The following ASH1L variants were observed in gnomAD, a reference collection of about 807,000 sequenced individuals.
ASH1L encodes histone-lysine N-methyltransferase ASH1L.
ASH1L carries 23 observed loss-of-function variants against 269.0 expected under a neutral mutation model. That is an observed-to-expected ratio of 0.09 (90% CI 0.06 to 0.12). The LOEUF (loss-of-function observed/expected upper bound fraction) is 0.12, where lower values mean the gene tolerates loss of function less well. ASH1L is among the 10% of genes least tolerant of loss of function. ASH1L has a pLI of 1.00. For missense variants in ASH1L, 2,912 were observed against 3,567.8 expected, an observed-to-expected ratio of 0.82 and a Z score of 4.68; for synonymous variants, 1,187 against 1,253.5, an observed-to-expected ratio of 0.95 and a Z score of 1.12.
chr1:155,408,895 C>T (rs953349421), intron 6 of ASH1L, among the ~76,000 whole-genome samples: 1 of 150,882 alleles, frequency 6.6e-6, no homozygotes, highest in Non-Finnish European at 1.5e-5. Context: ...ATTCATGAGT[C>T]TATAAGGTAT....
At chr1:155,397,383 G>A (rs901946567) in intron 6 of ASH1L, among the ~76,000 whole-genome samples, 1 of 151,652 alleles carries the variant, frequency 6.6e-6, no homozygotes, top group Middle Eastern at 3.2e-3. Context: ...GGTAATCCCA[G>A]CTACTCAAGA....
chr1:155,554,049 C>T (rs1197434586), intron 1 of ASH1L, among the ~76,000 whole-genome samples: 4 of 150,396 alleles, frequency 2.7e-5, no homozygotes, highest in Non-Finnish European at 5.9e-5. Context: ...CCCACCTCAG[C>T]CACTCAAAGT....
chr1:155,411,829 G>A (rs2148528867), intron 6 of ASH1L, among the ~76,000 whole-genome samples: 1 of 151,254 alleles, frequency 6.6e-6, no homozygotes, highest in African/African-American at 2.4e-5. Flanking sequence ...CCTAGAGAAA[G>A]GAATGTGACA....
chr1:155,358,318 A>G (rs1654595559), intron 13 of ASH1L, among the ~76,000 whole-genome samples: 1 of 152,148 alleles, frequency 6.6e-6, no homozygotes, highest in Admixed American at 6.6e-5. Flanking sequence ...CTTCAAAGTA[A>G]TTGGGCACTA....
At position 155,395,556 on chromosome 1, in the gene ASH1L, G is replaced by A; in HGVS notation, c.6009-3C>T. The A allele has an allele frequency of 6.2e-7, 1 of 1,601,252 alleles. No homozygotes were observed. Among genetic ancestry groups the A allele is most frequent in the Non-Finnish European group, 8.5e-7 (1 of 1,175,594 alleles). ...ATTGGATCAATCGACTCTTTGGGCT[G>A]TGATAAAAAAAGAATGGGAAACAGT... On this transcript the variant is annotated splice_polypyrimidine_tract_variant and splice_region_variant and intron_variant, in intron 6 of 27. Coordinates refer to ENST00000392403, the MANE Select transcript of ASH1L (RefSeq NM_018489.3).
At chr1:155,475,987 C>G (rs1665508273) in intron 3 of ASH1L, among the ~76,000 whole-genome samples, 1 of 152,122 alleles carries the variant, frequency 6.6e-6, no homozygotes, top group Non-Finnish European at 1.5e-5. Context: ...TAACAAGGGC[C>G]CACAAAGTAG....
In ASH1L at chr1:155,534,401, T is replaced by C. The variant is rs1669905692; in HGVS notation, c.-99-12783A>G. On this transcript the variant is annotated intron_variant, in intron 1 of 27. Coordinates refer to ENST00000392403, the MANE Select transcript of ASH1L (RefSeq NM_018489.3). ...GAAAAACGGGTGGATTTAAGAGACA[T>C]GTTAGATATTTGTCAATATAATGTG... Among the ~76,000 whole-genome samples, 6 of 150,308 alleles carry C rather than the reference T, an allele frequency of 4.0e-5. No individual in the cohort carries two copies. In the Admixed American group the frequency reaches 4.0e-4, roughly 10 times the overall value.
intron 4 of ASH1L, among the ~76,000 whole-genome samples, chr1:155,451,392 GA>G (rs1430203968): frequency 1.3e-5 from 2 of 152,074 alleles, no homozygotes; most frequent in Non-Finnish European, 2.9e-5. Context: ...TTTGCAAGAT[GA>G]AAAAAGTTAC....
intron 7 of ASH1L, among the ~76,000 whole-genome samples, chr1:155,384,778 ATCT>A (rs780222016): frequency 1.8e-4 from 27 of 152,298 alleles, no homozygotes; most frequent in African/African-American, 5.1e-4. Flanking sequence ...GAGTCTGCTA[ATCT>A]TCTTGAATAC....
chr1:155,522,474 C>A (rs1038661008), intron 1 of ASH1L, among the ~76,000 whole-genome samples: 17 of 152,044 alleles, frequency 1.1e-4, no homozygotes, highest in South Asian at 2.1e-4. Flanking sequence ...CCTTAAAAAT[C>A]AGCAATTTAT....
chr1:155,449,519 G>GTTT (rs1558118992), intron 4 of ASH1L, among the ~76,000 whole-genome samples: 1 of 148,704 alleles, frequency 6.7e-6, no homozygotes, highest in Non-Finnish European at 1.5e-5. Flanking sequence ...GAAAAATGTG[G>GTTT]TTGTTTTTTT....
At chr1:155,542,416 G>A (rs1670485650) in intron 1 of ASH1L, among the ~76,000 whole-genome samples, 1 of 151,930 alleles carries the variant, frequency 6.6e-6, no homozygotes, top group Non-Finnish European at 1.5e-5. Flanking sequence ...AGGCGTGGTG[G>A]TGGGCGCCTG....
chr1:155,367,525 T>C (rs1324069402), intron 12 of ASH1L, among the ~76,000 whole-genome samples: 1 of 152,200 alleles, frequency 6.6e-6, no homozygotes, highest in Non-Finnish European at 1.5e-5. Context: ...TTGGTTAGAC[T>C]CTTCAAATGT....
intron 10 of ASH1L, among the ~76,000 whole-genome samples, chr1:155,371,294 T>C (rs1655919473): frequency 6.6e-6 from 1 of 152,210 alleles, no homozygotes; most frequent in Non-Finnish European, 1.5e-5. Context: ...ATGCCTGTAA[T>C]CCCAGCACTT....
At chr1:155,538,011 T>A (rs915595402) in intron 1 of ASH1L, among the ~76,000 whole-genome samples, 12 of 152,168 alleles carry the variant, frequency 7.9e-5, no homozygotes, top group South Asian at 4.1e-4. Context: ...TTAAATTTTT[T>A]AATTTTTATT....
intron 7 of ASH1L, among the ~76,000 whole-genome samples, chr1:155,386,510 T>C (rs1056064023): frequency 6.6e-6 from 1 of 151,706 alleles, no homozygotes; most frequent in African/African-American, 2.4e-5. Context: ...CTCAGCCTCC[T>C]GAATAGCTGG....
chr1:155,445,836 TTTTAA>T (rs1662972020), intron 4 of ASH1L, among the ~76,000 whole-genome samples: 1 of 152,216 alleles, frequency 6.6e-6, no homozygotes, highest in South Asian at 2.1e-4. Context: ...TGTGATTTAA[TTTTAA>T]TTTTAGTGAG....
Position 155,562,241 on chromosome 1 carries a change from T to A in ASH1L, c.-188A>T, listed in dbSNP as rs1408181385. The stretch of plus-strand genomic sequence containing the variant: ...TGGCCGCCAGGCTCCTCCGCTTCCC[T>A]GGGTCCACGGCGGATCCCTCCCGCT... On this transcript the variant is annotated 5_prime_UTR_variant, in exon 1 of 28. Coordinates refer to ENST00000392403, the MANE Select transcript of ASH1L (RefSeq NM_018489.3). The A allele has an allele frequency of 1.2e-6, 2 of 1,610,106 alleles. No individual in the cohort carries two copies. Among genetic ancestry groups the A allele is most frequent in the South Asian group, 1.1e-5 (1 of 90,978 alleles).
At chr1:155,376,544 T>C (rs1312279421) in intron 10 of ASH1L, among the ~76,000 whole-genome samples, 1 of 152,164 alleles carries the variant, frequency 6.6e-6, no homozygotes, top group Non-Finnish European at 1.5e-5. Flanking sequence ...CCAGGTGTGG[T>C]GGCTCATGCC....
Sources: allele counts gnomAD v4.1 joint callset (sites outside exome capture counted in the v4.1 genomes callset), GRCh38; gene constraint gnomAD v4.1.1; transcripts MANE v1.5; gene names NCBI Gene and HGNC (gene_info 2026-07-23, HGNC 2026-07-21).